The following PLGRKT variants were observed in gnomAD, a reference collection of about 807,000 sequenced individuals.
PLGRKT encodes the protein plasminogen receptor (KT).
In PLGRKT, 22 loss-of-function variants were observed where a neutral mutation model predicts 18.5. That is an observed-to-expected ratio of 1.19 (90% CI 0.85 to 1.70). The LOEUF is 1.70. Ranked by LOEUF, PLGRKT falls within the 40% of genes most tolerant of loss-of-function variation. The probability of loss-of-function intolerance (pLI) is 0.00; values close to 1 mark genes in which losing one functional copy is unlikely to be tolerated. For missense variants in PLGRKT, 235 were observed against 174.4 expected (o/e 1.35, Z -1.96); for synonymous variants, 72 against 52.8 (o/e 1.36, Z -1.58).
chr9:5,391,195 A>T (rs150093207), intron 3 of PLGRKT, among the ~76,000 whole-genome samples: 1 of 152,122 alleles, frequency 6.6e-6, no homozygotes, highest in East Asian at 1.9e-4. Context: ...GATTTGAGGC[A>T]ACTTTATATG....
At chr9:5,358,802 C>G (rs973756917) in intron 5 of PLGRKT, among the ~76,000 whole-genome samples, 2 of 152,152 alleles carry the variant, frequency 1.3e-5, no homozygotes, top group African/African-American at 4.8e-5. Flanking sequence ...CTTGTAAACA[C>G]TTAAAATAAT....
chr9:5,402,024 G>T (rs1422198524), intron 3 of PLGRKT, among the ~76,000 whole-genome samples: 1 of 151,574 alleles, frequency 6.6e-6, no homozygotes, highest in Non-Finnish European at 1.5e-5. Context: ...AATTATCGCA[G>T]GTATGTAAAG....
At chr9:5,426,206 C>G (rs998481976) in intron 3 of PLGRKT, among the ~76,000 whole-genome samples, 1 of 152,128 alleles carries the variant, frequency 6.6e-6, no homozygotes, top group South Asian at 2.1e-4. Context: ...GGGAGGAGAA[C>G]CCCCAGGGAG....
chr9:5,364,904 G>A (rs1373659277), intron 3 of PLGRKT, among the ~76,000 whole-genome samples: 1 of 152,178 alleles, frequency 6.6e-6, no homozygotes, highest in Non-Finnish European at 1.5e-5. Context: ...ACATCCGTAT[G>A]AACTCATGCT....
intron 3 of PLGRKT, among the ~76,000 whole-genome samples, chr9:5,374,771 T>G (rs1415049925): frequency 6.6e-6 from 1 of 152,262 alleles, no homozygotes; most frequent in African/African-American, 2.4e-5. Flanking sequence ...TATTCATTTT[T>G]AGTTATCCAT....
At chr9:5,403,359 G>C (rs1434203458) in intron 3 of PLGRKT, among the ~76,000 whole-genome samples, 1 of 151,822 alleles carries the variant, frequency 6.6e-6, no homozygotes, top group East Asian at 1.9e-4. Flanking sequence ...GAGTAGCTGG[G>C]ATTACAGGCG....
intron 1 of PLGRKT, 40 bp from the exon 2 acceptor site, chr9:5,436,734 C>G (rs1329940852): frequency 6.6e-6 from 1 of 152,148 alleles, no homozygotes; most frequent in Non-Finnish European, 1.5e-5. Context: ...TAAATTTCAC[C>G]CTGGAGTTCA....
At chr9:5,397,438 G>A (rs926223593) in intron 3 of PLGRKT, among the ~76,000 whole-genome samples, 3 of 151,734 alleles carry the variant, frequency 2.0e-5, no homozygotes, top group African/African-American at 7.3e-5. Flanking sequence ...ATTAAACGTA[G>A]GCTGTATATG....
intron 3 of PLGRKT, among the ~76,000 whole-genome samples, chr9:5,382,832 G>A (rs1175104420): frequency 6.6e-6 from 1 of 152,172 alleles, no homozygotes; most frequent in Non-Finnish European, 1.5e-5. Context: ...GAAAGAAGTA[G>A]ATGGGCACCA....
At chr9:5,424,415 CAT>C (rs1390082063) in intron 3 of PLGRKT, among the ~76,000 whole-genome samples, 2 of 122,396 alleles carry the variant, frequency 1.6e-5, no homozygotes, top group Non-Finnish European at 3.2e-5. Flanking sequence ...TATATATTAA[CAT>C]ATAATATATA....
At chr9:5,387,833 A>G (rs187773250) in intron 3 of PLGRKT, among the ~76,000 whole-genome samples, 1 of 152,032 alleles carries the variant, frequency 6.6e-6, no homozygotes, top group African/African-American at 2.4e-5. Flanking sequence ...GGCAAGGGTA[A>G]CAATAGGGAG....
intron 3 of PLGRKT, among the ~76,000 whole-genome samples, chr9:5,392,032 T>A (rs1218965334): frequency 6.6e-6 from 1 of 151,908 alleles, no homozygotes; most frequent in East Asian, 1.9e-4. Flanking sequence ...AGCTCTGACA[T>A]ATGTACCATG....
chr9:5,383,196 G>A (rs1025710594), intron 3 of PLGRKT, among the ~76,000 whole-genome samples: 2 of 152,180 alleles, frequency 1.3e-5, no homozygotes, highest in Non-Finnish European at 2.9e-5. Context: ...GCCACTGGAA[G>A]CTGCAAAAGG....
chr9:5,372,043 G>A lies in PLGRKT; in HGVS notation c.82-10155C>T, dbSNP rs572246878. Among the ~76,000 whole-genome samples the A allele has an allele frequency of 1.6e-3, 205 of 125,472 alleles. 2 individuals are homozygous for A. The highest frequency in any genetic ancestry group is 0.01 in the Middle Eastern group (2 of 196). 82.3% of individuals were successfully genotyped at this position (125,472 alleles called of 152,430 possible). A position where few individuals can be genotyped will look rare whatever the true frequency, so the allele number is the denominator to read the frequency against. ...GTCTCCCAGGCTGGAGTGCAGTGGC[G>A]CGATATTGGCTCACTGCAACTTCCG... On this transcript the variant is annotated intron_variant, in intron 3 of 5. Coordinates refer to ENST00000223864, the MANE Select transcript of PLGRKT (RefSeq NM_018465.4).
At chr9:5,415,054 T>C (rs1818433106) in intron 3 of PLGRKT, among the ~76,000 whole-genome samples, 2 of 152,192 alleles carry the variant, frequency 1.3e-5, no homozygotes. Context: ...TTTCCAAATA[T>C]CATTCTCTGA....
At chr9:5,437,005 T>G (rs138009856) in intron 1 of PLGRKT, among the ~76,000 whole-genome samples, 1,790 of 152,354 alleles carry the variant, frequency 0.012, 33 homozygotes, top group African/African-American at 0.041. Context: ...TATACAATTT[T>G]AAACATCACT....
intron 3 of PLGRKT, among the ~76,000 whole-genome samples, chr9:5,381,235 G>A (rs971844358): frequency 6.6e-6 from 1 of 152,232 alleles, no homozygotes. Context: ...GCATTTCAGA[G>A]CTGTTCGTGG....
intron 2 of PLGRKT, among the ~76,000 whole-genome samples, chr9:5,432,623 G>A (rs940652659): frequency 5.3e-5 from 8 of 151,534 alleles, no homozygotes; most frequent in Non-Finnish European, 8.8e-5. Flanking sequence ...TCGGCCTGCC[G>A]AGTGCCAGGG....
At chr9:5,360,103 T>C (rs1187484133) in intron 5 of PLGRKT, among the ~76,000 whole-genome samples, 1 of 152,232 alleles carries the variant, frequency 6.6e-6, no homozygotes, top group East Asian at 1.9e-4. Context: ...GAAACAATTG[T>C]TTCCTTCAAG....
Sources: gnomAD v4.1 joint callset for allele counts (sites outside exome capture counted in the v4.1 genomes callset) on GRCh38, gnomAD v4.1.1 for gene constraint, MANE v1.5 for transcripts, NCBI Gene and HGNC (gene_info 2026-07-23, HGNC 2026-07-21) for gene names.